The following GALK2 variants were observed in gnomAD, a reference collection of about 807,000 sequenced individuals.
GALK2 encodes the protein galactokinase 2, also known as N-acetylgalactosamine kinase.
A neutral mutation model predicts 52.4 loss-of-function variants in GALK2; 36 were observed. That is an observed-to-expected ratio of 0.69 (90% CI 0.53 to 0.91). The LOEUF (loss-of-function observed/expected upper bound fraction) is 0.91. Among genes scored for constraint, GALK2 ranks in the 40% least tolerant of loss-of-function variants. The pLI, the probability that GALK2 is intolerant of heterozygous loss-of-function variation, is 0.00. For synonymous variants in GALK2, 176 were observed against 199.1 expected, an observed-to-expected ratio of 0.88 and a Z score of 0.98; for missense variants, 579 against 559.1, an observed-to-expected ratio of 1.04 and a Z score of -0.36.
intron 1 of GALK2, chr15:49,177,783 T>A (rs2085580799): frequency 1.8e-6 from 1 of 565,728 alleles, no homozygotes; most frequent in African/African-American, 1.9e-5. Context: ...TGGCAGGATT[T>A]TTTCTGACAG....
intron 1 of GALK2, 74 bp from the exon 2 acceptor site, chr15:49,201,088 A>C (rs113952089): frequency 2.2e-5 from 12 of 551,302 alleles, no homozygotes; most frequent in African/African-American, 9.0e-5. Context: ...GTGTGTGTGT[A>C]TGTATGTGTG....
At chr15:49,315,705 T>C (rs1365640191) in intron 8 of GALK2, among the ~76,000 whole-genome samples, 1 of 152,220 alleles carries the variant, frequency 6.6e-6, no homozygotes, top group African/African-American at 2.4e-5. Flanking sequence ...CAATCTCTCA[T>C]GCACCTTCAG....
rs1029322510 is a variant in GALK2, at chr15:49,275,781, G to A, written c.505-6206G>A. 2.8e-4 allele frequency among the ~76,000 whole-genome samples: 43 copies of A among 151,948 alleles called. 1 individual carries two copies. Among genetic ancestry groups the A allele is most frequent in the Admixed American group, 1.3e-3 (20 of 15,244 alleles). On this transcript the variant is annotated intron_variant, in intron 5 of 9. Coordinates refer to ENST00000560031, the MANE Select transcript of GALK2 (RefSeq NM_002044.4). Reference sequence around the variant, plus strand: ...GAGGCATAACATTCATGAATCTTTCGCCCTTCTCAGTGCTAATCAGTTAGA... The same window carrying A: ...GAGGCATAACATTCATGAATCTTTCACCCTTCTCAGTGCTAATCAGTTAGA...
At position 49,354,810 on chromosome 15, in the gene GALK2, G is replaced by A. The variant is rs1395793571; in HGVS notation, c.427-12681G>A. On this transcript the variant is annotated intron_variant, in intron 3 of 3. Coordinates refer to the GALK2 transcript ENST00000558399. ...CAGGGCACAGACAAACAAAAAGACA[G>A]CAGTAACCTCTGCAGACTTAAATGT... 5.8e-3 allele frequency among the ~76,000 whole-genome samples: 876 copies of A among 152,016 alleles called. 5 individuals are homozygous for A. The highest frequency in any genetic ancestry group is 0.02 in the African/African-American group (817 of 41,472).
At chr15:49,347,127 A>G (rs185421504) in intron 3 of GALK2, among the ~76,000 whole-genome samples, 5 of 152,310 alleles carry the variant, frequency 3.3e-5, no homozygotes, top group Admixed American at 3.3e-4. Context: ...CATTATCAGC[A>G]GTTTTGTAGT....
At chr15:49,331,883 C>G, downstream of GALK2, 2 of 1,280,940 alleles carry the variant, frequency 1.6e-6, no homozygotes, top group Non-Finnish European at 2.3e-6. Flanking sequence ...AGTAACCAAA[C>G]TAATTGTCCT....
At chr15:49,201,662 A>AT (rs1344003617) in intron 2 of GALK2, among the ~76,000 whole-genome samples, 1 of 152,140 alleles carries the variant, frequency 6.6e-6, no homozygotes, top group Non-Finnish European at 1.5e-5. Context: ...TTCTAGATGA[A>AT]TTTATCTTTC....
At chr15:49,363,331 T>C (rs1273808759) in intron 3 of GALK2, among the ~76,000 whole-genome samples, 1 of 152,188 alleles carries the variant, frequency 6.6e-6, no homozygotes, top group Non-Finnish European at 1.5e-5. Flanking sequence ...GTTGTAGAGA[T>C]CTTTTGCTTA....
At chr15:49,194,582 A>G (rs1382484447) in intron 1 of GALK2, among the ~76,000 whole-genome samples, 1 of 145,302 alleles carries the variant, frequency 6.9e-6, no homozygotes, top group Non-Finnish European at 1.5e-5. Context: ...CTATTGTTAC[A>G]TATTTGTTTT....
downstream of GALK2, among the ~76,000 whole-genome samples, chr15:49,333,183 T>C (rs1389108628): frequency 6.6e-6 from 1 of 152,158 alleles, no homozygotes; most frequent in African/African-American, 2.4e-5. Flanking sequence ...TTACATACCA[T>C]AAAATTGACC....
intron 3 of GALK2, chr15:49,225,225 C>T (rs755974511): frequency 8.8e-6 from 4 of 455,978 alleles, no homozygotes; most frequent in East Asian, 7.0e-5. Context: ...CTGCAGGGCT[C>T]CCTCAGGCAG....
intron 1 of GALK2, among the ~76,000 whole-genome samples, chr15:49,182,448 A>G (rs1251029256): frequency 6.6e-6 from 1 of 152,206 alleles, no homozygotes; most frequent in African/African-American, 2.4e-5. Flanking sequence ...TGGTACTGCA[A>G]TAAACATGGA....
intron 5 of GALK2, among the ~76,000 whole-genome samples, chr15:49,247,129 T>C (rs2091390741): frequency 6.6e-6 from 1 of 151,072 alleles, no homozygotes; most frequent in South Asian, 2.1e-4. Flanking sequence ...TGAGAAAGAG[T>C]GTCAGAGGGA....
At chr15:49,360,756 T>C (rs1176874553) in intron 3 of GALK2, among the ~76,000 whole-genome samples, 4 of 152,222 alleles carry the variant, frequency 2.6e-5, no homozygotes, top group African/African-American at 9.6e-5. Context: ...CCAAAAATTA[T>C]ATTTAAATGT....
chr15:49,337,647 G>A (rs1280073847), intron 3 of GALK2, among the ~76,000 whole-genome samples: 3 of 150,532 alleles, frequency 2.0e-5, no homozygotes, highest in African/African-American at 7.4e-5. Context: ...TCTACATTAG[G>A]TATTTCTCCT....
chr15:49,196,531 A>C (rs2087248397), intron 1 of GALK2, among the ~76,000 whole-genome samples: 1 of 152,198 alleles, frequency 6.6e-6, no homozygotes, highest in East Asian at 1.9e-4. Context: ...AACCAAATAT[A>C]TGATCAGTAT....
intron 2 of GALK2, among the ~76,000 whole-genome samples, chr15:49,204,538 G>A (rs2088102177): frequency 6.6e-6 from 1 of 151,532 alleles, no homozygotes; most frequent in Non-Finnish European, 1.5e-5. Flanking sequence ...TCATTGTACA[G>A]GTCTTTTATC....
intron 5 of GALK2, among the ~76,000 whole-genome samples, chr15:49,263,930 A>C (rs747158834): frequency 6.6e-6 from 1 of 151,960 alleles, no homozygotes; most frequent in African/African-American, 2.4e-5. Context: ...GGTTTCTGCC[A>C]AGAGATCCAC....
chr15:49,197,487 A>C (rs1271369880), intron 1 of GALK2, among the ~76,000 whole-genome samples: 1 of 152,222 alleles, frequency 6.6e-6, no homozygotes, highest in Non-Finnish European at 1.5e-5. Flanking sequence ...TTAAAGATAC[A>C]TAATGAGATA....
Sources: allele counts gnomAD v4.1 joint callset (sites outside exome capture counted in the v4.1 genomes callset), GRCh38; gene constraint gnomAD v4.1.1; transcripts MANE v1.5; gene names NCBI Gene and HGNC (gene_info 2026-07-23, HGNC 2026-07-21).